PADI1: variants seen among roughly 807,000 people sequenced by gnomAD.
PADI1 encodes the protein protein-arginine deiminase type-1.
Under a neutral mutation model 74.8 loss-of-function variants are expected in PADI1, and 65 were observed. The ratio of observed to expected loss-of-function variants is 0.87; its 90% CI spans 0.71 to 1.07. The LOEUF is 1.07. PADI1 is among the 50% of genes least tolerant of loss of function. The pLI, the probability that PADI1 is intolerant of heterozygous loss-of-function variation, is 0.00. For synonymous variants in PADI1, 371 were observed against 336.2 expected, an observed-to-expected ratio of 1.10 and a Z score of -1.13; for missense variants, 943 against 854.0, an observed-to-expected ratio of 1.10 and a Z score of -1.30.
intron 1 of PADI1, among the ~76,000 whole-genome samples, chr1:17,221,766 G>A (rs12042325): frequency 0.067 from 10,200 of 152,288 alleles, 497 homozygotes; most frequent in African/African-American, 0.13. Context: ...GCGTAGTAGG[G>A]AGGAGGCAGT....
rs2071759231 is a variant in PADI1 at position 17,208,908 on chromosome 1, C to A, written c.92+3599C>A. 2.0e-5 allele frequency among the ~76,000 whole-genome samples: 3 copies of A among 152,200 alleles called. No individual in the cohort carries two copies. The South Asian group carries it at 6.2e-4, about 31-fold the overall frequency. ...ATTCTTTGGGATGCAGAAGGCCGGC[C>A]TTGTAGGAGACAGGGACATTCTCCT... On this transcript the variant is annotated intron_variant, in intron 1 of 15. Transcript: ENST00000375471.
intron 15 of PADI1, among the ~76,000 whole-genome samples, chr1:17,243,359 T>C (rs1489938524): frequency 6.6e-6 from 1 of 152,158 alleles, no homozygotes; most frequent in Non-Finnish European, 1.5e-5. Context: ...GTCCCACAGG[T>C]GGCCAGATAA....
At chr1:17,208,527 C>A (rs111714238) in intron 1 of PADI1, among the ~76,000 whole-genome samples, 1 of 69,716 alleles carries the variant, frequency 1.4e-5, no homozygotes, top group South Asian at 4.9e-4. Context: ...TTCCACCCCC[C>A]ACCCCAGTAG....
At chr1:17,214,330 A>AC (rs958124945) in intron 1 of PADI1, among the ~76,000 whole-genome samples, 3 of 150,874 alleles carry the variant, frequency 2.0e-5, no homozygotes, top group African/African-American at 7.3e-5. Context: ...AATGCAAAAG[A>AC]CCCCCCTGCC....
chr1:17,218,804 G>A lies in PADI1; in HGVS notation c.93-3486G>A, dbSNP rs1001471413. 2.0e-5 allele frequency among the ~76,000 whole-genome samples: 3 copies of A among 152,336 alleles called. No individual in the cohort carries two copies. In the South Asian group the frequency reaches 6.2e-4, roughly 32 times the overall value. On this transcript the variant is annotated intron_variant, in intron 1 of 15. Transcript: ENST00000375471. Reference sequence around the variant, plus strand: ...CAAGGCCAGTGATGCCCTTGAGTAGGGGATGTGCCCCAGGAGGGCTGGTCT... The same window carrying A: ...CAAGGCCAGTGATGCCCTTGAGTAGAGGATGTGCCCCAGGAGGGCTGGTCT...
intron 1 of PADI1, among the ~76,000 whole-genome samples, chr1:17,221,801 G>T (rs2072159481): frequency 1.3e-5 from 2 of 152,220 alleles, no homozygotes; most frequent in Admixed American, 1.3e-4. Context: ...GGGCGCATCA[G>T]AAGGGCCTCT....
intron 3 of PADI1, among the ~76,000 whole-genome samples, chr1:17,224,040 C>A (rs1275134395): frequency 6.6e-6 from 1 of 152,248 alleles, no homozygotes; most frequent in African/African-American, 2.4e-5. Flanking sequence ...AACGGCAGAA[C>A]CCAGCCCCTG....
chr1:17,234,925 T>C (rs1161283522), intron 11 of PADI1, among the ~76,000 whole-genome samples: 1 of 152,068 alleles, frequency 6.6e-6, no homozygotes, highest in African/African-American at 2.4e-5. Flanking sequence ...GGGACCAGCC[T>C]GGCCAACATG....
rs2072220501 is a variant in PADI1 at position 17,223,533 on chromosome 1, T to C, written c.274-88T>C. ...TCTCCAGGCCTCCTGTGCCTCTAAG[T>C]AGGGCTGTCAGGATGTGTCCCTCAT... On this transcript the variant is annotated intron_variant, in intron 2 of 15. Coordinates refer to ENST00000375471, the MANE Select transcript of PADI1 (RefSeq NM_013358.3). The C allele has an allele frequency of 1.7e-5, 18 of 1,082,642 alleles. No homozygotes were observed. The South Asian group carries it at 2.0e-4, about 12-fold the overall frequency. 67.1% of individuals were successfully genotyped at this position (1,082,642 alleles called of 1,614,324 possible).
intron 1 of PADI1, among the ~76,000 whole-genome samples, chr1:17,210,983 G>A (rs1469399838): frequency 2.6e-5 from 4 of 152,204 alleles, no homozygotes; most frequent in Non-Finnish European, 5.9e-5. Context: ...CACATGTGAG[G>A]AGCTTCCATC....
chr1:17,240,567 C>T, intron 14 of PADI1, 68 bp from the exon 15 acceptor site: 2 of 1,572,810 alleles, frequency 1.3e-6, no homozygotes, highest in Non-Finnish European at 1.7e-6. Context: ...GGGCCCAGCG[C>T]ACAGTAGGTG....
chr1:17,210,788 G>A (rs967960453), intron 1 of PADI1, among the ~76,000 whole-genome samples: 5 of 152,224 alleles, frequency 3.3e-5, no homozygotes, highest in African/African-American at 1.2e-4. Context: ...GGGAGAGGAT[G>A]CAGGGGAAAG....
intron 1 of PADI1, among the ~76,000 whole-genome samples, chr1:17,212,210 C>A (rs922947892): frequency 6.6e-6 from 1 of 152,218 alleles, no homozygotes; most frequent in African/African-American, 2.4e-5. Context: ...TGCTGCCTGA[C>A]CCTACGGCAT....
chr1:17,229,049 C>T lies in PADI1; in HGVS notation c.927C>T (p.Cys309=). ...AGCCTCCTGAGGAGCTGTATGTGTG[C>T]AGGTGAGGCTCCCTCCCTCCAGCCC... is the stretch of plus-strand genomic sequence containing the variant. The part of the protein sequence containing the change: ...NTQPPEELYV[C]RVMDTHGSNE... The change falls in exon 8 of 16, where the codon TGC becomes TGT. Residue 309 remains cysteine (C), a splice_region_variant and synonymous_variant. Coordinates refer to ENST00000375471, the MANE Select transcript of PADI1 (RefSeq NM_013358.3). 1 of 1,551,156 alleles carries T rather than the reference C, an allele frequency of 6.4e-7. No individual in the cohort carries two copies. The highest frequency in any genetic ancestry group is 8.8e-7 in the Non-Finnish European group (1 of 1,142,258).
Position 17,238,698 on chromosome 1 carries a change from C to A in PADI1, c.1541C>A (p.Ala514Asp). ...EKKEEGYGEA[A>D]QFDGLKHQAK... ...AAAGAAGAGGGTTATGGGGAGGCAG[C>A]CCAGTTTGATGGTGAGTGCCAATGA... Residue 514 changes from alanine (A) to aspartate (D), a missense_variant, in exon 13 of 16, where the codon GCC (alanine) becomes GAC (aspartate). Physicochemically the swap from Ala to Asp is moderately radical, Grantham distance 126. Coordinates refer to ENST00000375471, the MANE Select transcript of PADI1 (RefSeq NM_013358.3). 1 of 1,523,432 alleles carries A rather than the reference C, an allele frequency of 6.6e-7. No homozygotes were observed. The highest frequency in any genetic ancestry group is 8.9e-7 in the Non-Finnish European group (1 of 1,124,692). The allele number at this position is 1,523,432 out of a possible 1,614,324, so 94.4% of individuals were successfully genotyped here. A position where few individuals can be genotyped will look rare whatever the true frequency, so the allele number is the denominator to read the frequency against.
intron 6 of PADI1, among the ~76,000 whole-genome samples, chr1:17,227,253 A>G (rs994117585): frequency 6.6e-6 from 1 of 151,098 alleles, no homozygotes; most frequent in African/African-American, 2.4e-5. Flanking sequence ...AAAAAAAAGA[A>G]AAAGAAAAAA....
chr1:17,222,216 C>A (rs2072174129), intron 1 of PADI1, 74 bp from the exon 2 acceptor site: 1 of 1,141,864 alleles, frequency 8.8e-7, no homozygotes, highest in East Asian at 2.4e-5. Flanking sequence ...GCCCCAAGCC[C>A]CCACCCCACT....
intron 6 of PADI1, 84 bp downstream of exon 6, chr1:17,226,242 C>T: frequency 6.8e-7 from 1 of 1,475,908 alleles, no homozygotes; most frequent in South Asian, 1.2e-5. Flanking sequence ...TTTTTTCCAT[C>T]ACCTTTTTGT....
Position 17,230,197 on chromosome 1 carries a change from C to A in PADI1, c.1042C>A (p.Arg348Ser). 6.2e-7 allele frequency: 1 copy of A among 1,613,824 alleles called. No homozygotes were observed. The highest frequency in any genetic ancestry group is 1.1e-5 in the South Asian group (1 of 91,018). ...ICPQVENRND[R>S]WIQDEMEFGY... ...CCCTCAAGTTGAAAATCGAAATGACCGCTGGATCCAGGTGGGAGCTGGGGG... is the reference window on the plus strand; with the variant it reads ...CCCTCAAGTTGAAAATCGAAATGACAGCTGGATCCAGGTGGGAGCTGGGGG... The change falls in exon 9 of 16, where the codon CGC becomes AGC. Residue 348 changes from arginine (R) to serine (S), a missense_variant. Coordinates refer to ENST00000375471, the MANE Select transcript of PADI1 (RefSeq NM_013358.3).
Sources: allele counts gnomAD v4.1 joint callset (sites outside exome capture counted in the v4.1 genomes callset), GRCh38; gene constraint gnomAD v4.1.1; transcripts MANE v1.5; gene names NCBI Gene and HGNC (gene_info 2026-07-23, HGNC 2026-07-21).